The following NECAB2 variants were observed in gnomAD, a reference collection of about 807,000 sequenced individuals.
NECAB2 encodes N-terminal EF-hand calcium binding protein 2.
Under a neutral mutation model 51.9 loss-of-function variants are expected in NECAB2, and 68 were observed. The observed-to-expected ratio is 1.31, with a 90% CI of 1.08 to 1.60. NECAB2 has a LOEUF of 1.60. NECAB2 is among the 40% of genes most tolerant of loss of function. The pLI is 0.00. For missense variants in NECAB2, 854 were observed against 490.3 expected, an observed-to-expected ratio of 1.74 and a Z score of -7.00; for synonymous variants, 329 against 203.5, an observed-to-expected ratio of 1.62 and a Z score of -5.25.
chr16:83,994,486 C>G (rs1275567134), intron 7 of NECAB2, 66 bp downstream of exon 7: 3 of 1,589,106 alleles, frequency 1.9e-6, no homozygotes, highest in African/African-American at 2.7e-5. Context: ...TGAGAGTCCT[C>G]TGACAGGGAC....
rs543510840 is a variant in NECAB2 at position 83,981,932 on chromosome 16, CG to C, written c.459+809del. 1.3e-3 allele frequency among the ~76,000 whole-genome samples: 194 copies of C among 152,226 alleles called. 1 individual carries two copies. In the Middle Eastern group the frequency reaches 0.024, roughly 19 times the overall value. On this transcript the variant is annotated intron_variant, in intron 5 of 12. Coordinates refer to ENST00000305202, the MANE Select transcript of NECAB2 (RefSeq NM_019065.3). The stretch of plus-strand genomic sequence containing the variant: ...CCCAGCCTTGTCTGCCGGTTGAGGC[CG>C]GGGAACTTAGCTGATAAAGCCAGCC...
chr16:83,990,691 C>G (rs1453686140), intron 6 of NECAB2, 61 bp downstream of exon 6: 1 of 1,586,382 alleles, frequency 6.3e-7, no homozygotes, highest in Non-Finnish European at 8.6e-7. Flanking sequence ...CACGTGCCCA[C>G]CTGCTGCTTG....
At chr16:83,989,102 C>A (rs894051008) in intron 5 of NECAB2, among the ~76,000 whole-genome samples, 1 of 152,214 alleles carries the variant, frequency 6.6e-6, no homozygotes, top group Non-Finnish European at 1.5e-5. Flanking sequence ...CTGATCACTT[C>A]TAGCAGCCTT....
At chr16:83,982,516 A>C (rs2084501114) in intron 5 of NECAB2, among the ~76,000 whole-genome samples, 1 of 152,150 alleles carries the variant, frequency 6.6e-6, no homozygotes, top group Non-Finnish European at 1.5e-5. Context: ...CTCTGCTCCA[A>C]ACAGGCTGTG....
At position 83,990,639 on chromosome 16, in the gene NECAB2, C is replaced by G. The variant is rs1320658124; in HGVS notation, c.596+9C>G. 6.8e-6 allele frequency: 11 copies of G among 1,613,788 alleles called. No individual in the cohort carries two copies. Among genetic ancestry groups the G allele is most frequent in the Admixed American group, 1.7e-5 (1 of 59,998 alleles). On this transcript the variant is annotated intron_variant, in intron 6 of 12. Coordinates refer to ENST00000305202, the MANE Select transcript of NECAB2 (RefSeq NM_019065.3). ...CAGACCAGCCAGCTCCGGTGAGTCT[C>G]TGAGACCCTGCAGGGTCCCATGGGG...
At chr16:84,000,648 G>T in intron 10 of NECAB2, 76 bp from the exon 11 acceptor site, 2 of 1,325,662 alleles carry the variant, frequency 1.5e-6, no homozygotes, top group South Asian at 1.2e-5. Context: ...TGGGTCTCAG[G>T]CCACCCCAGG....
chr16:83,982,827 C>G (rs2084505850), intron 5 of NECAB2, among the ~76,000 whole-genome samples: 1 of 151,956 alleles, frequency 6.6e-6, no homozygotes, highest in African/African-American at 2.4e-5. Flanking sequence ...TAGGTTGTTG[C>G]ATCCGTGATT....
In NECAB2 at chr16:83,990,521, C is replaced by G. The variant is rs746064782; in HGVS notation, c.487C>G (p.Gln163Glu). 2.5e-6 allele frequency: 4 copies of G among 1,614,128 alleles called. No individual in the cohort carries two copies. Among genetic ancestry groups the G allele is most frequent in the Non-Finnish European group, 1.7e-6 (2 of 1,180,022 alleles). Residue 163 changes from glutamine to glutamate, a missense_variant, in exon 6 of 13, where the codon CAG becomes GAG. By Grantham distance (29) the Gln-to-Glu change is conservative. Coordinates refer to ENST00000305202, the MANE Select transcript of NECAB2 (RefSeq NM_019065.3). ...ATATGAGGGTGGGAGCAACGTGGAC[C>G]AGTTTGTGACCCGCTTCCTCCTGAA... ...KVYEGGSNVDQFVTRFLLKET... is the reference protein window; with the variant it reads ...KVYEGGSNVDEFVTRFLLKET...
chr16:83,994,187 C>T, intron 6 of NECAB2, 115 bp from the exon 7 acceptor site: 4 of 917,618 alleles, frequency 4.4e-6, no homozygotes, highest in Non-Finnish European at 6.9e-6. Flanking sequence ...GATGCAAGTT[C>T]TGTGCATGTG....
At chr16:83,971,341 G>A (rs981357516) in intron 1 of NECAB2, 5 of 152,230 alleles carry the variant, frequency 3.3e-5, no homozygotes, top group Non-Finnish European at 7.3e-5. Context: ...CCTGGGGTGT[G>A]GCCCGGGCTG....
At chr16:83,998,902 G>A (rs2084764248) in intron 10 of NECAB2, among the ~76,000 whole-genome samples, 1 of 152,216 alleles carries the variant, frequency 6.6e-6, no homozygotes, top group African/African-American at 2.4e-5. Context: ...GTAAAGCTAA[G>A]GCATGTGGCC....
intron 9 of NECAB2, among the ~76,000 whole-genome samples, chr16:83,997,816 A>C (rs2151100273): frequency 6.6e-6 from 1 of 152,212 alleles, no homozygotes; most frequent in East Asian, 1.9e-4. Flanking sequence ...ACTTTGATCC[A>C]AAAAAGGTTT....
intron 2 of NECAB2, among the ~76,000 whole-genome samples, chr16:83,974,319 T>C (rs1256350652): frequency 6.6e-6 from 1 of 152,084 alleles, no homozygotes; most frequent in East Asian, 1.9e-4. Flanking sequence ...TATCTGTAAA[T>C]GGGAATAATT....
intron 9 of NECAB2, 69 bp from the exon 10 acceptor site, chr16:83,998,136 G>C: frequency 1.4e-6 from 2 of 1,392,856 alleles, no homozygotes; most frequent in Non-Finnish European, 2.0e-6. Flanking sequence ...AGGTCATGGG[G>C]GCCTGATGGG....
rs148122969 is a variant in NECAB2 at position 83,978,734 on chromosome 16, T to C, written c.335+182T>C. Among the ~76,000 whole-genome samples, 81 of 152,198 alleles carry C rather than the reference T, an allele frequency of 5.3e-4. 1 individual carries two copies. Among genetic ancestry groups the C allele is most frequent in the Non-Finnish European group, 8.1e-4 (55 of 68,004 alleles). ...TGAATGGGGCGTGTGCAGATTCATATTGCATTGGCTACTATCGCAAGTGTG... is the reference window on the plus strand; with the variant it reads ...TGAATGGGGCGTGTGCAGATTCATACTGCATTGGCTACTATCGCAAGTGTG... On this transcript the variant is annotated intron_variant, in intron 3 of 12. Coordinates refer to ENST00000305202, the MANE Select transcript of NECAB2 (RefSeq NM_019065.3).
upstream of NECAB2, chr16:83,966,011 T>C: frequency 6.5e-7 from 1 of 1,541,418 alleles, no homozygotes; most frequent in Non-Finnish European, 8.7e-7. Context: ...ACCCTAACAC[T>C]CGGCCAGACC....
chr16:84,001,840 CCT>C lies in NECAB2; in HGVS notation c.1057_1058del (p.Leu353ValfsTer2), dbSNP rs1361685898. The C allele has an allele frequency of 1.2e-6, 2 of 1,614,124 alleles. No homozygotes were observed. Among genetic ancestry groups the C allele is most frequent in the Non-Finnish European group, 1.7e-6 (2 of 1,179,970 alleles). On this transcript the variant is annotated frameshift_variant, in exon 12 of 13. Coordinates refer to ENST00000305202, the MANE Select transcript of NECAB2 (RefSeq NM_019065.3). LOFTEE classifies it high-confidence loss of function. Reference sequence around the variant, plus strand: ...TGCGTCACAGGCACCTGCAGAGCCCCCTGTGTAAGGCGTTCCGGCACGTCAAG... The same window carrying C: ...TGCGTCACAGGCACCTGCAGAGCCCCGTGTAAGGCGTTCCGGCACGTCAAG... ...EAWKRHLQSP[L>X]CKAFRHVKVD...
At position 83,981,083 on chromosome 16, in the gene NECAB2, A is replaced by C; in HGVS notation, c.415A>C (p.Thr139Pro). ...DYEDVLASLE[T>P]LNHSVLKAMG... ...TGAGGATGTCCTGGCCTCCCTGGAG[A>C]CCTTGAATCACTCTGTCCTGAAGGC... Residue 139 changes from threonine (T) to proline (P), a missense_variant, in exon 5 of 13, where the codon ACC (threonine) becomes CCC (proline). Coordinates refer to ENST00000305202, the MANE Select transcript of NECAB2 (RefSeq NM_019065.3). 2 of 1,614,098 alleles carry C rather than the reference A, an allele frequency of 1.2e-6. No homozygotes were observed. The highest frequency in any genetic ancestry group is 1.7e-6 in the Non-Finnish European group (2 of 1,180,026).
chr16:83,986,769 C>T (rs1326734155), intron 5 of NECAB2, among the ~76,000 whole-genome samples: 1 of 151,940 alleles, frequency 6.6e-6, no homozygotes, highest in African/African-American at 2.4e-5. Context: ...ATCATCTCCC[C>T]ACCTTGGCTT....
Sources: gnomAD v4.1 joint callset for allele counts (sites outside exome capture counted in the v4.1 genomes callset) on GRCh38, gnomAD v4.1.1 for gene constraint, MANE v1.5 for transcripts, NCBI Gene and HGNC (gene_info 2026-07-23, HGNC 2026-07-21) for gene names.